SOX30: variants seen among roughly 807,000 people sequenced by gnomAD.
SOX30 encodes SRY-box transcription factor 30.
A neutral mutation model predicts 58.6 loss-of-function variants in SOX30; 17 were observed. The ratio of observed to expected loss-of-function variants is 0.29; its 90% CI spans 0.20 to 0.44. The LOEUF is 0.44. Among genes scored for constraint, SOX30 ranks in the 20% least tolerant of loss-of-function variants. The pLI is 1.00. For synonymous variants in SOX30, 421 were observed against 400.2 expected, an observed-to-expected ratio of 1.05 and a Z score of -0.62; for missense variants, 951 against 965.8, an observed-to-expected ratio of 0.98 and a Z score of 0.20.
In SOX30 at chr5:157,626,130, T is replaced by G. The variant is rs1161465068; in HGVS notation, c.*210A>C. The G allele has an allele frequency of 2.1e-6, 1 of 476,688 alleles. No homozygotes were observed. Among genetic ancestry groups the G allele is most frequent in the East Asian group, 3.4e-5 (1 of 29,480 alleles). 29.5% of individuals were successfully genotyped at this position (476,688 alleles called of 1,614,324 possible). A position where few individuals can be genotyped will look rare whatever the true frequency, so the allele number is the denominator to read the frequency against. ...TTTCAGCCATTAAAATTAAACTACT[T>G]AATAACTTAAATATTCCTACAATGA... On this transcript the variant is annotated 3_prime_UTR_variant, in exon 5 of 5. Coordinates refer to ENST00000265007, the MANE Select transcript of SOX30 (RefSeq NM_178424.2).
intron 2 of SOX30, among the ~76,000 whole-genome samples, chr5:157,648,253 A>G (rs1485263184): frequency 6.6e-6 from 1 of 152,206 alleles, no homozygotes; most frequent in Non-Finnish European, 1.5e-5. Context: ...AAAATGGAAT[A>G]TGGTGACAAT....
At chr5:157,663,784 T>A (rs950150214) in intron 2 of SOX30, among the ~76,000 whole-genome samples, 3 of 152,124 alleles carry the variant, frequency 2.0e-5, no homozygotes, top group African/African-American at 4.8e-5. Flanking sequence ...TGTTGAGAAA[T>A]CACGAGCATT....
At chr5:157,660,920 T>C (rs1275998980) in intron 2 of SOX30, among the ~76,000 whole-genome samples, 1 of 152,238 alleles carries the variant, frequency 6.6e-6, no homozygotes, top group Non-Finnish European at 1.5e-5. Flanking sequence ...GATGATACTG[T>C]ATTTTCCTAT....
At chr5:157,653,159 C>T (rs188419273), upstream of SOX30, among the ~76,000 whole-genome samples, 3 of 152,228 alleles carry the variant, frequency 2.0e-5, no homozygotes, top group Non-Finnish European at 4.4e-5. Context: ...GCATGCTACT[C>T]TTTCCTTTGT....
In SOX30 at chr5:157,647,251, C is replaced by T. The variant is rs376449866; in HGVS notation, c.1208-435G>A. On this transcript the variant is annotated intron_variant, in intron 2 of 4. Coordinates refer to ENST00000265007, the MANE Select transcript of SOX30 (RefSeq NM_178424.2). Reference sequence around the variant, plus strand: ...TAATTTTTTGTATTTTTAGTAGAGACGGGGTTTCTCCGTGTTGGCCAGACT... The same window carrying T: ...TAATTTTTTGTATTTTTAGTAGAGATGGGGTTTCTCCGTGTTGGCCAGACT... Among the ~76,000 whole-genome samples the T allele has an allele frequency of 2.1e-4, 32 of 152,026 alleles. No individual in the cohort carries two copies. In the South Asian group the frequency reaches 4.0e-3, roughly 19 times the overall value.
chr5:157,662,005 A>G (rs57799135), intron 2 of SOX30, among the ~76,000 whole-genome samples: 1 of 152,328 alleles, frequency 6.6e-6, no homozygotes, highest in South Asian at 2.1e-4. Context: ...ATTCTAAAAT[A>G]ATTTAATTAA....
chr5:157,639,394 TTTAA>T (rs1759007956), intron 3 of SOX30, among the ~76,000 whole-genome samples: 1 of 151,828 alleles, frequency 6.6e-6, no homozygotes, highest in Non-Finnish European at 1.5e-5. Flanking sequence ...ATAAATGACA[TTTAA>T]TTTTTTTCGT....
intron 2 of SOX30, among the ~76,000 whole-genome samples, chr5:157,658,821 C>T (rs1336204160): frequency 1.3e-5 from 2 of 152,194 alleles, no homozygotes; most frequent in East Asian, 3.8e-4. Flanking sequence ...CTGAAACCTA[C>T]TAGGCTGCAT....
intron 2 of SOX30, among the ~76,000 whole-genome samples, chr5:157,647,549 T>C (rs1759222968): frequency 6.6e-6 from 1 of 151,954 alleles, no homozygotes; most frequent in South Asian, 2.1e-4. Flanking sequence ...CAATAGTCAC[T>C]AATGATCAGT....
intron 1 of SOX30, among the ~76,000 whole-genome samples, chr5:157,670,676 G>A (rs1461025997): frequency 1.3e-5 from 2 of 152,164 alleles, no homozygotes; most frequent in Non-Finnish European, 2.9e-5. Context: ...TAGCAGTTCA[G>A]TTTCACCACT....
At chr5:157,640,433 T>C (rs1279550300) in intron 3 of SOX30, among the ~76,000 whole-genome samples, 1 of 152,192 alleles carries the variant, frequency 6.6e-6, no homozygotes, top group Non-Finnish European at 1.5e-5. Context: ...TACCATGCTA[T>C]AAGCGAGACA....
intron 4 of SOX30, among the ~76,000 whole-genome samples, chr5:157,630,959 T>C (rs1307386609): frequency 7.3e-6 from 1 of 136,444 alleles, no homozygotes; most frequent in Non-Finnish European, 1.5e-5. Flanking sequence ...ATATTGTATA[T>C]ATATACACTA....
At chr5:157,627,817 AC>A (rs1423395225) in intron 4 of SOX30, among the ~76,000 whole-genome samples, 3 of 152,018 alleles carry the variant, frequency 2.0e-5, no homozygotes, top group Non-Finnish European at 4.4e-5. Flanking sequence ...ACACGGTGAA[AC>A]CCCATCTCTA....
chr5:157,630,994 ATAT>A (rs915648747), intron 4 of SOX30, among the ~76,000 whole-genome samples: 1 of 135,578 alleles, frequency 7.4e-6, no homozygotes, highest in South Asian at 2.2e-4. Flanking sequence ...TATACTATAT[ATAT>A]TTTTTATATA....
chr5:157,669,383 C>T (rs1759729924), intron 1 of SOX30, among the ~76,000 whole-genome samples: 3 of 152,052 alleles, frequency 2.0e-5, no homozygotes, highest in Admixed American at 2.0e-4. Flanking sequence ...TGGGGTTTCA[C>T]CATTTTGGCC....
chr5:157,666,426 C>CTGGGAT (rs938629528), intron 2 of SOX30, among the ~76,000 whole-genome samples: 5 of 150,702 alleles, frequency 3.3e-5, no homozygotes, highest in Non-Finnish European at 7.4e-5. Flanking sequence ...TCCCAAAGTG[C>CTGGGAT]TGGGATTGGT....
At chr5:157,632,012 C>T (rs1581389083) in intron 4 of SOX30, among the ~76,000 whole-genome samples, 2 of 134,814 alleles carry the variant, frequency 1.5e-5, no homozygotes, top group Admixed American at 8.1e-5. Context: ...CACTGCACTC[C>T]AGCCTGGGTG....
intron 2 of SOX30, 117 bp downstream of exon 2, chr5:157,648,536 CTCTT>C (rs895426515): frequency 3.1e-5 from 27 of 863,158 alleles, no homozygotes; most frequent in Admixed American, 2.4e-4. Context: ...AGTCATTATT[CTCTT>C]TATTGTACAT....
chr5:157,646,516 CTTT>C (rs1561584257), intron 3 of SOX30, 118 bp downstream of exon 3: 9 of 744,016 alleles, frequency 1.2e-5, no homozygotes, highest in South Asian at 2.0e-5. Context: ...TTTCCCTCTT[CTTT>C]TTTTCTTAAC....
Sources: allele counts gnomAD v4.1 joint callset (sites outside exome capture counted in the v4.1 genomes callset), GRCh38; gene constraint gnomAD v4.1.1; transcripts MANE v1.5; gene names NCBI Gene and HGNC (gene_info 2026-07-23, HGNC 2026-07-21).